DNAH1: variants seen among roughly 807,000 people sequenced by gnomAD.
DNAH1 encodes dynein axonemal heavy chain 1, also known as axonemal beta dynein heavy chain 1.
Under a neutral mutation model 484.3 loss-of-function variants are expected in DNAH1, and 327 were observed. The ratio of observed to expected loss-of-function variants is 0.68; its 90% CI spans 0.62 to 0.74. The LOEUF is 0.74. Among genes scored for constraint, DNAH1 ranks in the 30% least tolerant of loss-of-function variants. The pLI, the probability that DNAH1 is intolerant of heterozygous loss-of-function variation, is 0.00. For missense variants in DNAH1, 5,052 were observed against 5,546.8 expected (o/e 0.91, Z 2.83); for synonymous variants, 2,192 against 2,191.9 (o/e 1.00, Z 0.00).
At position 52,395,397 on chromosome 3, in the gene DNAH1, C is replaced by A; in HGVS notation, c.11058C>A (p.Asp3686Glu). ...CACCCGGCACAGACCCTGCTGCCGA[C>A]CTCTACAAGTTTGCCGAAGAAATGA... ...VLSPGTDPAA[D>E]LYKFAEEMKF... Residue 3686 changes from aspartate (D) to glutamate (E), a missense_variant, in exon 69 of 78, where the codon GAC becomes GAA. Coordinates refer to ENST00000420323, the MANE Select transcript of DNAH1 (RefSeq NM_015512.5). This position sits in a 1 kb window ranked among gnomAD's most constrained non-coding sequence, Gnocchi z 4.4. 6.2e-7 allele frequency: 1 copy of A among 1,613,918 alleles called. No homozygotes were observed. Among genetic ancestry groups the A allele is most frequent in the Non-Finnish European group, 8.5e-7 (1 of 1,179,894 alleles).
At position 52,384,829 on chromosome 3, in the gene DNAH1, G is replaced by A; in HGVS notation, c.8366G>A (p.Cys2789Tyr). 1 of 1,605,404 alleles carries A rather than the reference G, an allele frequency of 6.2e-7. No individual in the cohort carries two copies. Among genetic ancestry groups the A allele is most frequent in the Non-Finnish European group, 8.5e-7 (1 of 1,175,848 alleles). ...ATCCACCAGTCGGTGTCCAAGAAGT[G>A]CATCGAGTACCTGGCAGAGCTGACC... is the stretch of plus-strand genomic sequence containing the variant. ...VYIHQSVSKK[C>Y]IEYLAELTRH... The change falls in exon 53 of 78, where the codon TGC becomes TAC. Residue 2789 changes from cysteine to tyrosine, a missense_variant. Around this residue, in one of 4 missense-constraint regions of DNAH1, gnomAD observed 2,929 missense variants for 3,409.4 expected, o/e 0.86. Transcript: ENST00000420323.
chr3:52,395,213 C>G lies in DNAH1; in HGVS notation c.10969-95C>G. The G allele has an allele frequency of 1.3e-6, 2 of 1,499,610 alleles. No homozygotes were observed. Among genetic ancestry groups the G allele is most frequent in the Non-Finnish European group, 1.8e-6 (2 of 1,112,842 alleles). 92.9% of individuals were successfully genotyped at this position (1,499,610 alleles called of 1,614,324 possible). A position where few individuals can be genotyped will look rare whatever the true frequency, so the allele number is the denominator to read the frequency against. The stretch of plus-strand genomic sequence containing the variant: ...AGGTTCCAGCCCCCACCAGGAAGCC[C>G]ACTGGGGACCACTCTGAGAACCCCA... On this transcript the variant is annotated intron_variant, in intron 68 of 77. Coordinates refer to ENST00000420323, the MANE Select transcript of DNAH1 (RefSeq NM_015512.5). The surrounding 1 kb of genome is among the most constrained non-coding windows in gnomAD (Gnocchi z 4.4).
At position 52,396,622 on chromosome 3, in the gene DNAH1, T is replaced by C. The variant is rs375533259; in HGVS notation, c.11435T>C (p.Met3812Thr). 67 of 1,612,012 alleles carry C rather than the reference T, an allele frequency of 4.2e-5. No homozygotes were observed. In the African/African-American group the frequency reaches 8.4e-4, roughly 20 times the overall value. The change falls in exon 72 of 78, where the codon ATG (methionine) becomes ACG (threonine). Residue 3812 changes from methionine (M) to threonine (T), a missense_variant. Physicochemically the swap from Met to Thr is moderately conservative, Grantham distance 81 (BLOSUM62 -1). Around this residue, in one of 4 missense-constraint regions of DNAH1, gnomAD observed 853 missense variants for 899.0 expected, o/e 0.95. Coordinates refer to ENST00000420323, the MANE Select transcript of DNAH1 (RefSeq NM_015512.5). Reference protein sequence around the residue: ...EDFLNSCHKVMEFKSLLLSLC... With the variant: ...EDFLNSCHKVTEFKSLLLSLC... ...CCTGCCTCCCACCTCCCCCAGGTGA[T>C]GGAGTTCAAGTCTCTGCTGCTGTCT...
At chr3:52,369,143 G>C (rs748602961) in intron 37 of DNAH1, among the ~76,000 whole-genome samples, 8 of 152,172 alleles carry the variant, frequency 5.3e-5, no homozygotes, top group Non-Finnish European at 1.0e-4. Flanking sequence ...CCGCACAGTT[G>C]CTCAGAGCAC....
rs1368625053 is a variant in DNAH1, at chr3:52,362,515, C to A, written c.5094+14C>A. The A allele has an allele frequency of 3.7e-6, 6 of 1,606,522 alleles. No individual in the cohort carries two copies. Among genetic ancestry groups the A allele is most frequent in the Non-Finnish European group, 5.1e-6 (6 of 1,175,908 alleles). On this transcript the variant is annotated intron_variant, in intron 31 of 77. Coordinates refer to ENST00000420323, the MANE Select transcript of DNAH1 (RefSeq NM_015512.5). The surrounding 1 kb of genome is among the most constrained non-coding windows in gnomAD (Gnocchi z 5.1). ...GACAATCTGAAGGCAAGTGCAGGCC[C>A]AGAGTGGCCCAGGAAGCACCAGAGC...
At chr3:52,344,249 ACAGAAAATGGGGACAAGGGG>A (rs1339892522) in intron 8 of DNAH1, among the ~76,000 whole-genome samples, 2 of 152,258 alleles carry the variant, frequency 1.3e-5, no homozygotes, top group African/African-American at 4.8e-5. Context: ...GAGACTGGCA[ACAGAAAATGGGGACAAGGGG>A]CAGAAAATGG....
At chr3:52,394,828 C>T in intron 67 of DNAH1, 87 bp from the exon 68 acceptor site, 1 of 1,543,672 alleles carries the variant, frequency 6.5e-7, no homozygotes, top group Non-Finnish European at 8.8e-7. Flanking sequence ...GCCCACTCTC[C>T]CCAGCTGTCC....
Position 52,395,121 on chromosome 3 carries a change from G to T in DNAH1, c.10968+62G>T. The T allele has an allele frequency of 6.4e-7, 1 of 1,555,568 alleles. No individual in the cohort carries two copies. Among genetic ancestry groups the T allele is most frequent in the Non-Finnish European group, 8.7e-7 (1 of 1,148,982 alleles). ...GCTTGTCCCCACCCTGGGTCCCAGG[G>T]CCCTGGCTGCATCTGGATAGACTAC... On this transcript the variant is annotated intron_variant, in intron 68 of 77. Transcript: ENST00000420323. This position sits in a 1 kb window ranked among gnomAD's most constrained non-coding sequence, Gnocchi z 4.4.
intron 64 of DNAH1, 22 bp from the exon 65 acceptor site, chr3:52,392,801 ACCCCTCC>A: frequency 2.0e-6 from 1 of 508,816 alleles, no homozygotes; most frequent in Non-Finnish European, 3.6e-6. Flanking sequence ...CTGCTCTTTG[ACCCCTCC>A]CCCCACCCAC....
chr3:52,376,223 A>G (rs775557710), intron 46 of DNAH1, among the ~76,000 whole-genome samples: 1 of 152,182 alleles, frequency 6.6e-6, no homozygotes, highest in Non-Finnish European at 1.5e-5. Flanking sequence ...TGTCCAGCTG[A>G]TGATAGATGC....
In DNAH1 at chr3:52,358,605, G is replaced by C. The variant is rs759023536; in HGVS notation, c.4134G>C (p.Glu1378Asp). 1.4e-5 allele frequency: 22 copies of C among 1,612,998 alleles called. No homozygotes were observed. The highest frequency in any genetic ancestry group is 3.3e-5 in the Admixed American group (2 of 59,952). Residue 1378 changes from glutamate to aspartate, a missense_variant, in exon 25 of 78, where the codon GAG (glutamate) becomes GAC (aspartate). Around this residue, in one of 4 missense-constraint regions of DNAH1, gnomAD observed 2,929 missense variants for 3,409.4 expected, o/e 0.86. Transcript: ENST00000420323. This position sits in a 1 kb window ranked among gnomAD's most constrained non-coding sequence, Gnocchi z 4.2. ...AGATCACGCACATGTACTCAGCCGA[G>C]GGGGAGGAGGTACAGTTGTGCTTCT... is the stretch of plus-strand genomic sequence containing the variant. ...DLEITHMYSA[E>D]GEEVQLCFSI...
In DNAH1 at chr3:52,345,649, C is replaced by T. The variant is rs1288626849; in HGVS notation, c.1599C>T (p.Leu533=). Reference sequence around the variant, plus strand: ...CCATGTCCCTGTTCCACTCGAGCCTCTCCAAGTACAGCCACCTGGAGGAAT... The same window carrying T: ...CCATGTCCCTGTTCCACTCGAGCCTTTCCAAGTACAGCCACCTGGAGGAAT... ...VTAMSLFHSS[L]SKYSHLEEFE... Residue 533 remains leucine, a synonymous_variant, in exon 10 of 78, where the codon CTC becomes CTT. Transcript: ENST00000420323. The T allele has an allele frequency of 2.5e-6, 4 of 1,612,876 alleles. No individual in the cohort carries two copies. Among genetic ancestry groups the T allele is most frequent in the African/African-American group, 2.7e-5 (2 of 74,920 alleles).
In DNAH1 at chr3:52,354,928, G is replaced by T. The variant is rs1008217809; in HGVS notation, c.3566G>T (p.Ser1189Ile). Residue 1189 changes from serine (S) to isoleucine (I), a missense_variant, in exon 21 of 78, where the codon AGC becomes ATC. Ser to Ile is a moderately radical substitution (Grantham distance 142). This residue lies in a region of DNAH1 where 2,929 missense variants were observed against 3,409.4 expected (regional missense o/e 0.86). Coordinates refer to ENST00000420323, the MANE Select transcript of DNAH1 (RefSeq NM_015512.5). ...GCGACAGACACCTACATCCTGAAGA[G>T]CCCGGACGAGGCCTCACAGCTGCTG... ...YKATDTYILK[S>I]PDEASQLLDD... 4 of 1,614,036 alleles carry T rather than the reference G, an allele frequency of 2.5e-6. No homozygotes were observed. Among genetic ancestry groups the T allele is most frequent in the South Asian group, 1.1e-5 (1 of 91,088 alleles).
intron 48 of DNAH1, 29 bp downstream of exon 48, chr3:52,380,164 CT>C (rs1402866734): frequency 6.5e-7 from 1 of 1,547,064 alleles, no homozygotes; most frequent in African/African-American, 1.4e-5. Context: ...CGCCCTGCCC[CT>C]GGTGGGGTCC....
At position 52,398,841 on chromosome 3, in the gene DNAH1, G is replaced by C. The variant is rs770607307; in HGVS notation, c.12090-9G>C. 6.6e-7 allele frequency: 1 copy of C among 1,523,076 alleles called. No individual in the cohort carries two copies. The highest frequency in any genetic ancestry group is 2.1e-5 in the Admixed American group (1 of 48,292). The allele number at this position is 1,523,076 out of a possible 1,614,324, so 94.3% of individuals were successfully genotyped here. On this transcript the variant is annotated splice_polypyrimidine_tract_variant and intron_variant, in intron 75 of 77. Transcript: ENST00000420323. Reference sequence around the variant, plus strand: ...CCCACTACCTATTCTCTTGCCACTGGCCTCACAGGTACAATCGGCTGCTGC... The same window carrying C: ...CCCACTACCTATTCTCTTGCCACTGCCCTCACAGGTACAATCGGCTGCTGC...
At chr3:52,334,348 C>T (rs1391615911) in intron 8 of DNAH1, among the ~76,000 whole-genome samples, 1 of 152,168 alleles carries the variant, frequency 6.6e-6, no homozygotes. Flanking sequence ...CTGGAAGTTG[C>T]GGTGGTTGAG....
rs766298353 is a variant in DNAH1, at chr3:52,326,827, A to C, written c.674A>C (p.His225Pro). The C allele has an allele frequency of 2.5e-6, 4 of 1,613,634 alleles. No individual in the cohort carries two copies. In the African/African-American group the frequency reaches 5.3e-5, roughly 22 times the overall value. ...SNKLMPRHLD[H>P]QHPQTIEQGH... is the part of the protein sequence containing the mutation. ...AAGCTCATGCCCAGGCACCTGGACC[A>C]CCAGCACCCCCAAACCATCGAACAG... The change falls in exon 5 of 78, where the codon CAC (histidine) becomes CCC (proline). Residue 225 changes from histidine (H) to proline (P), a missense_variant. By Grantham distance (77) the His-to-Pro change is moderately conservative (BLOSUM62 -2). Around this residue, in one of 4 missense-constraint regions of DNAH1, gnomAD observed 1,263 missense variants for 1,218.8 expected, o/e 1.04. Transcript: ENST00000420323.
At position 52,394,945 on chromosome 3, in the gene DNAH1, C is replaced by G. The variant is rs766309608; in HGVS notation, c.10854C>G (p.Tyr3618Ter). The G allele has an allele frequency of 6.2e-7, 1 of 1,613,610 alleles. No homozygotes were observed. Among genetic ancestry groups the G allele is most frequent in the South Asian group, 1.1e-5 (1 of 90,964 alleles). Reference protein sequence around the residue: ...REPLPGIWDQYLDQFQKLLVL... With the variant: ...REPLPGIWDQ ...CTTTGCCTGGCATCTGGGACCAGTA[C>G]CTAGACCAGTTCCAGAAGCTGCTAG... Residue 3618 changes from tyrosine (Y) to a stop codon, truncating the protein, a stop_gained, in exon 68 of 78, where the codon TAC (tyrosine) becomes TAG (stop). Coordinates refer to ENST00000420323, the MANE Select transcript of DNAH1 (RefSeq NM_015512.5). LOFTEE classifies it high-confidence loss of function.
In DNAH1 at chr3:52,349,348, C is replaced by G. The variant is rs1289477273; in HGVS notation, c.2454C>G (p.Ser818=). 1 of 1,613,906 alleles carries G rather than the reference C, an allele frequency of 6.2e-7. No individual in the cohort carries two copies. Among genetic ancestry groups the G allele is most frequent in the African/African-American group, 1.3e-5 (1 of 74,936 alleles). The change falls in exon 14 of 78, where the codon TCC becomes TCG. Residue 818 remains serine, a synonymous_variant. Transcript: ENST00000420323. Reference sequence around the variant, plus strand: ...CCGACAATGTCAAGCAGAGCCTGTCCAAGAAACGCAAGGCCCTGGCCACTT... The same window carrying G: ...CCGACAATGTCAAGCAGAGCCTGTCGAAGAAACGCAAGGCCCTGGCCACTT... ...INTDNVKQSL[S]KKRKALATSV...
Sources: gnomAD v4.1 joint callset for allele counts (sites outside exome capture counted in the v4.1 genomes callset) on GRCh38, gnomAD v4.1.1 for gene constraint, gnomAD v4.1.1 regional missense constraint, Gnocchi (gnomAD v3.1) non-coding constraint, MANE v1.5 for transcripts, NCBI Gene and HGNC (gene_info 2026-07-23, HGNC 2026-07-21) for gene names.